CFAP70: variants seen among roughly 807,000 people sequenced by gnomAD.
CFAP70 encodes the protein cilia and flagella associated protein 70.
In CFAP70, 81 loss-of-function variants were observed where a neutral mutation model predicts 137.6. That is an observed-to-expected ratio of 0.59 (90% confidence interval 0.49 to 0.71). The LOEUF (loss-of-function observed/expected upper bound fraction) is 0.71, where lower values mean the gene tolerates loss of function less well. Ranked by LOEUF, CFAP70 falls within the 30% of genes least tolerant of loss-of-function variation. The pLI is 0.00. For missense variants in CFAP70, 976 were observed against 1,226.7 expected (o/e 0.80, Z 3.05); for synonymous variants, 382 against 423.6 (o/e 0.90, Z 1.20).
intron 1 of CFAP70, 117 bp downstream of exon 1, chr10:73,358,661 G>C (rs933864137): frequency 1.3e-5 from 2 of 152,594 alleles, no homozygotes; most frequent in African/African-American, 4.8e-5. Flanking sequence ...CCGCAGGGCT[G>C]AGGTGGGGAG....
At chr10:73,354,336 C>T (rs1319773898) in intron 2 of CFAP70, among the ~76,000 whole-genome samples, 2 of 152,098 alleles carry the variant, frequency 1.3e-5, no homozygotes, top group South Asian at 2.1e-4. Flanking sequence ...ACTTAATATA[C>T]TGAATATTTT....
rs918923569 is a variant in CFAP70, at chr10:73,338,295, G to A, written c.583-2771C>T. On this transcript the variant is annotated intron_variant, in intron 6 of 26. Transcript: ENST00000310715. ...CTTCCCAAGGAGCTGGGATTCAGGC[G>A]CACACCACTATACTGGCGAATTTTT... Among the ~76,000 whole-genome samples the A allele has an allele frequency of 5.9e-5, 9 of 151,724 alleles. No individual in the cohort carries two copies. In the East Asian group the frequency reaches 1.4e-3, roughly 23 times the overall value.
At chr10:73,276,401 A>C (rs977999192) in intron 21 of CFAP70, 10 of 152,104 alleles carry the variant, frequency 6.6e-5, no homozygotes, top group South Asian at 2.1e-4. Flanking sequence ...CCTTTTTAGG[A>C]GAATACTAGA....
upstream of CFAP70, among the ~76,000 whole-genome samples, chr10:73,362,554 T>C (rs990335468): frequency 6.6e-5 from 10 of 152,178 alleles, no homozygotes; most frequent in Admixed American, 5.2e-4. Context: ...GTGAATGGGA[T>C]TGCTGTTTTC....
At chr10:73,267,754 A>G (rs2045905771) in intron 25 of CFAP70, among the ~76,000 whole-genome samples, 2 of 152,336 alleles carry the variant, frequency 1.3e-5, no homozygotes, top group East Asian at 1.9e-4. Context: ...GGTGTCATCT[A>G]TGCTGAGTTC....
intron 6 of CFAP70, among the ~76,000 whole-genome samples, chr10:73,338,432 C>CT (rs976162527): frequency 0.018 from 1,903 of 108,522 alleles, 48 homozygotes; most frequent in African/African-American, 0.05. Flanking sequence ...ATGTGAATCT[C>CT]TTTTTTTTTT....
At chr10:73,284,047 A>T (rs1717001350) in intron 19 of CFAP70, among the ~76,000 whole-genome samples, 1 of 152,224 alleles carries the variant, frequency 6.6e-6, no homozygotes, top group South Asian at 2.1e-4. Flanking sequence ...CAACACAAAC[A>T]TATTATCTCA....
chr10:73,287,889 A>G (rs2047863695), intron 19 of CFAP70, among the ~76,000 whole-genome samples: 1 of 151,126 alleles, frequency 6.6e-6, no homozygotes, highest in African/African-American at 2.4e-5. Flanking sequence ...CTATCTATCT[A>G]TCTATCTATC....
chr10:73,276,100 A>ATTT (rs1303244574), intron 21 of CFAP70: 25 of 140,186 alleles, frequency 1.8e-4, no homozygotes, highest in African/African-American at 6.6e-4. Flanking sequence ...CAATTTTTGT[A>ATTT]TTTTGTTTTT....
intron 9 of CFAP70, among the ~76,000 whole-genome samples, chr10:73,313,371 C>CA (rs775077463): frequency 0.053 from 3,150 of 58,916 alleles, 113 homozygotes; most frequent in Middle Eastern, 0.1. Flanking sequence ...GACTCTGTCT[C>CA]AAAAAAAAAA....
chr10:73,261,484 A>G (rs1217489751), intron 25 of CFAP70, among the ~76,000 whole-genome samples: 14 of 152,220 alleles, frequency 9.2e-5, no homozygotes, highest in Non-Finnish European at 1.6e-4. Context: ...CGTGGATGGT[A>G]GCAGGCAAAA....
At chr10:73,267,533 C>T (rs1051349828) in intron 25 of CFAP70, among the ~76,000 whole-genome samples, 8 of 152,170 alleles carry the variant, frequency 5.3e-5, no homozygotes, top group Admixed American at 3.9e-4. Flanking sequence ...GACTCCGTCT[C>T]TTGATGGGAG....
At chr10:73,293,468 G>T in intron 15 of CFAP70, 80 bp from the exon 17 acceptor site, 1 of 1,291,936 alleles carries the variant, frequency 7.7e-7, no homozygotes, top group South Asian at 1.5e-5. Context: ...AATCCGATGT[G>T]AGATCCAGTT....
intron 8 of CFAP70, among the ~76,000 whole-genome samples, chr10:73,328,903 T>C (rs1232585345): frequency 2.0e-5 from 3 of 149,862 alleles, no homozygotes; most frequent in African/African-American, 7.4e-5. Flanking sequence ...GACTGTAAAC[T>C]AGTTCAACCA....
At chr10:73,331,206 G>A in exon 8 of CFAP70, 1 of 1,613,120 alleles carries the variant, frequency 6.2e-7, no homozygotes, top group Non-Finnish European at 8.5e-7. Flanking sequence ...TTCCCTTTGG[G>A]TATAGTGACC....
At chr10:73,269,064 C>A (rs1317826542) in intron 25 of CFAP70, among the ~76,000 whole-genome samples, 1 of 152,082 alleles carries the variant, frequency 6.6e-6, no homozygotes, top group Non-Finnish European at 1.5e-5. Flanking sequence ...TTGTTTGGTT[C>A]ATTTCTCTTA....
intron 4 of CFAP70, 136 bp downstream of exon 5, chr10:73,348,020 C>T (rs1402569752): frequency 6.7e-6 from 5 of 741,624 alleles, no homozygotes; most frequent in Non-Finnish European, 9.0e-6. Context: ...TCTTTGTTTC[C>T]CAGAATCTAA....
At chr10:73,261,125 CT>C (rs200438757) in intron 25 of CFAP70, among the ~76,000 whole-genome samples, 11,328 of 141,564 alleles carry the variant, frequency 0.08, 531 homozygotes, top group East Asian at 0.28. Flanking sequence ...CATTGTCTAT[CT>C]TTTTTTTTTT....
At chr10:73,293,189 A>C in intron 16 of CFAP70, 74 bp downstream of exon 17, 1 of 1,487,156 alleles carries the variant, frequency 6.7e-7, no homozygotes, top group South Asian at 1.4e-5. Context: ...GTTGGATTTT[A>C]AACAATCAAA....
Sources: gnomAD v4.1 joint callset for allele counts (sites outside exome capture counted in the v4.1 genomes callset) on GRCh38, gnomAD v4.1.1 for gene constraint, MANE v1.5 for transcripts, NCBI Gene and HGNC (gene_info 2026-07-23, HGNC 2026-07-21) for gene names.